The following C2orf66 variants were observed in gnomAD, a reference collection of about 807,000 sequenced individuals.
C2orf66 encodes uncharacterized protein C2orf66.
C2orf66 carries 6 observed loss-of-function variants against 7.0 expected under a neutral mutation model. That is an observed-to-expected ratio of 0.86 (90% CI 0.47 to 1.69). C2orf66 has a LOEUF of 1.69. Among genes scored for constraint, C2orf66 ranks in the 40% most tolerant of loss-of-function variants. The pLI is 0.01. For missense variants in C2orf66, 107 were observed against 112.0 expected (o/e 0.96, Z 0.20); for synonymous variants, 38 against 43.8 (o/e 0.87, Z 0.52).
chr2:196,827,899 T>G, the C2orf66 span, among the ~76,000 whole-genome samples: 7 of 152,284 alleles, frequency 4.6e-5, no homozygotes, highest in Non-Finnish European at 1.0e-4. Context: ...ACCTGAAGCT[T>G]TCATTTACAC....
upstream of C2orf66, chr2:196,809,611 A>G (rs1037048188): frequency 5.8e-5 from 21 of 364,068 alleles, no homozygotes; most frequent in Non-Finnish European, 8.8e-5. Context: ...ATAACATAGA[A>G]AGTCTGAATA....
the C2orf66 span, among the ~76,000 whole-genome samples, chr2:196,817,424 A>G: frequency 1.4e-4 from 21 of 151,890 alleles, no homozygotes; most frequent in South Asian, 4.2e-3. Flanking sequence ...TTTAGTAGAG[A>G]CAGGGTTTCA....
At chr2:196,808,129 C>T (rs1480610839) in intron 1 of C2orf66, among the ~76,000 whole-genome samples, 1 of 152,026 alleles carries the variant, frequency 6.6e-6, no homozygotes, top group Non-Finnish European at 1.5e-5. Context: ...TTGGCTTTGC[C>T]CAGAAAAGAA....
At chr2:196,820,922 T>C in the C2orf66 span, among the ~76,000 whole-genome samples, 2 of 152,198 alleles carry the variant, frequency 1.3e-5, no homozygotes, top group African/African-American at 4.8e-5. Flanking sequence ...TTACCTTATT[T>C]GGAAGAAAGG....
At chr2:196,813,597 G>A (rs1699896545), upstream of C2orf66, among the ~76,000 whole-genome samples, 1 of 152,270 alleles carries the variant, frequency 6.6e-6, no homozygotes, top group African/African-American at 2.4e-5. Flanking sequence ...TTACACTAAA[G>A]AGCTTCTGCA....
the C2orf66 span, among the ~76,000 whole-genome samples, chr2:196,819,503 G>A: frequency 6.6e-6 from 1 of 152,174 alleles, no homozygotes. Context: ...CCAGTCTCCA[G>A]AACTGTGAGA....
chr2:196,827,930 C>T, the C2orf66 span, among the ~76,000 whole-genome samples: 1 of 152,170 alleles, frequency 6.6e-6, no homozygotes, highest in Non-Finnish European at 1.5e-5. Context: ...GACTTAGGCA[C>T]AACTAGAAAG....
At chr2:196,826,287 T>C in the C2orf66 span, among the ~76,000 whole-genome samples, 5 of 152,244 alleles carry the variant, frequency 3.3e-5, no homozygotes, top group Admixed American at 6.5e-5. Context: ...CATGGCACTA[T>C]TATAATTAGC....
At chr2:196,830,409 G>A in the C2orf66 span, among the ~76,000 whole-genome samples, 1 of 152,174 alleles carries the variant, frequency 6.6e-6, no homozygotes, top group South Asian at 2.1e-4. Context: ...TGGACTTAGA[G>A]GCATGAAGAA....
In C2orf66 at chr2:196,805,214, GA is replaced by G. The variant is rs575238388; in HGVS notation, c.*213del. ...TACATCAATATTTATGGTTTCATAG[GA>G]AAAAAACTCCATAAATATGCATAGA... On this transcript the variant is annotated 3_prime_UTR_variant, in exon 3 of 3. Coordinates refer to ENST00000342506, the MANE Select transcript of C2orf66 (RefSeq NM_213608.3). The G allele has an allele frequency of 6.6e-6, 1 of 151,946 alleles. No homozygotes were observed. Among genetic ancestry groups the G allele is most frequent in the African/African-American group, 2.4e-5 (1 of 41,366 alleles). 9.4% of individuals were successfully genotyped at this position (151,946 alleles called of 1,614,324 possible). A position where few individuals can be genotyped will look rare whatever the true frequency, so the allele number is the denominator to read the frequency against.
the C2orf66 span, among the ~76,000 whole-genome samples, chr2:196,818,459 A>G: frequency 1.3e-5 from 2 of 152,176 alleles, no homozygotes; most frequent in Non-Finnish European, 2.9e-5. Context: ...TCTTCCTCAC[A>G]GCCACCAGCC....
At chr2:196,809,105 C>T in intron 1 of C2orf66, 109 bp downstream of exon 1, 1 of 1,211,264 alleles carries the variant, frequency 8.3e-7, no homozygotes, top group South Asian at 1.8e-5. Flanking sequence ...ATTTTCTCAA[C>T]CCTTGGTAGC....
chr2:196,817,265 T>C, the C2orf66 span, among the ~76,000 whole-genome samples: 1 of 149,442 alleles, frequency 6.7e-6, no homozygotes, highest in Non-Finnish European at 1.5e-5. Flanking sequence ...GACAGAGTCT[T>C]GTTCTTTCGC....
chr2:196,814,283 GA>G, upstream of C2orf66, among the ~76,000 whole-genome samples: 1 of 152,330 alleles, frequency 6.6e-6, no homozygotes, highest in African/African-American at 2.4e-5. Flanking sequence ...GGACATGGAT[GA>G]AACTGGAAAC....
chr2:196,809,679 TTAAAA>T, upstream of C2orf66: 1 of 227,338 alleles, frequency 4.4e-6, no homozygotes, highest in Non-Finnish European at 8.6e-6. Flanking sequence ...ACTGCAACTC[TTAAAA>T]TAACAAAAAA....
At chr2:196,821,020 C>T in the C2orf66 span, among the ~76,000 whole-genome samples, 2 of 152,124 alleles carry the variant, frequency 1.3e-5, no homozygotes, top group African/African-American at 4.8e-5. Context: ...AATTTGATTG[C>T]TTGTCTTTAA....
chr2:196,811,706 A>T (rs530758330), upstream of C2orf66, among the ~76,000 whole-genome samples: 3 of 152,300 alleles, frequency 2.0e-5, no homozygotes, highest in East Asian at 5.8e-4. Flanking sequence ...GGATACACAG[A>T]TCTGGAGCTC....
At chr2:196,826,020 A>G in the C2orf66 span, among the ~76,000 whole-genome samples, 1 of 152,240 alleles carries the variant, frequency 6.6e-6, no homozygotes, top group Admixed American at 6.5e-5. Flanking sequence ...ATGAATAAGC[A>G]GCTTAAAAAC....
At chr2:196,822,486 C>T in the C2orf66 span, among the ~76,000 whole-genome samples, 1 of 152,128 alleles carries the variant, frequency 6.6e-6, no homozygotes, top group African/African-American at 2.4e-5. Context: ...CTTTAAAGAC[C>T]AAGATTACAT....
Sources: gnomAD v4.1 joint callset for allele counts (sites outside exome capture counted in the v4.1 genomes callset) on GRCh38, gnomAD v4.1.1 for gene constraint, MANE v1.5 for transcripts, NCBI Gene and HGNC (gene_info 2026-07-23, HGNC 2026-07-21) for gene names.